The following TIRAP variants were observed in gnomAD, a reference collection of about 807,000 sequenced individuals.
TIRAP encodes TIR domain containing adaptor protein, also known as toll/interleukin-1 receptor domain-containing adapter protein.
A neutral mutation model predicts 19.8 loss-of-function variants in TIRAP; 20 were observed. The ratio of observed to expected loss-of-function variants is 1.01; its 90% CI spans 0.71 to 1.47. TIRAP has a LOEUF of 1.47. TIRAP is among the 40% of genes most tolerant of loss of function. The pLI is 0.00. For missense variants in TIRAP, 276 were observed against 285.1 expected, an observed-to-expected ratio of 0.97 and a Z score of 0.23; for synonymous variants, 125 against 121.7, an observed-to-expected ratio of 1.03 and a Z score of -0.18.
rs1023142638 is a variant in TIRAP at position 126,283,128 on chromosome 11, C to T, written c.-242C>T. 2 of 985,048 alleles carry T rather than the reference C, an allele frequency of 2.0e-6. No individual in the cohort carries two copies. The highest frequency in any genetic ancestry group is 6.2e-5 in the Admixed American group (1 of 16,220). 61.0% of individuals were successfully genotyped at this position (985,048 alleles called of 1,614,324 possible). On this transcript the variant is annotated 5_prime_UTR_variant, in exon 1 of 5. Coordinates refer to ENST00000392679, the MANE Select transcript of TIRAP (RefSeq NM_001318777.2). ...CGGAGCCCGCGCAGTCCGCGCAGCCCTCATCGCAACTGGGCCCGCGCGCAG... is the reference window on the plus strand; with the variant it reads ...CGGAGCCCGCGCAGTCCGCGCAGCCTTCATCGCAACTGGGCCCGCGCGCAG...
intron 1 of TIRAP, among the ~76,000 whole-genome samples, chr11:126,286,434 C>T (rs1951323664): frequency 1.3e-5 from 2 of 152,286 alleles, no homozygotes; most frequent in East Asian, 1.9e-4. Flanking sequence ...TAGGTCTGCA[C>T]CATAGTCTAC....
At chr11:126,284,682 C>T (rs8177396) in intron 1 of TIRAP, among the ~76,000 whole-genome samples, 7,431 of 151,822 alleles carry the variant, frequency 0.049, 346 homozygotes, top group East Asian at 0.17. Flanking sequence ...GGTGAAACCC[C>T]GTCTCTACTA....
rs1951336251 is a variant in TIRAP at position 126,287,561 on chromosome 11, C to A, written c.-216-2901C>A. Among the ~76,000 whole-genome samples, 1 of 151,854 alleles carries A rather than the reference C, an allele frequency of 6.6e-6. No individual in the cohort carries two copies. The highest frequency in any genetic ancestry group is 2.1e-4 in the South Asian group (1 of 4,810). ...ATCTCAAATTCCTGACCTCATGATC[C>A]GCCCACCTCGGCCTCCCAAAGTGCT... is the stretch of plus-strand genomic sequence containing the variant. On this transcript the variant is annotated intron_variant, in intron 1 of 4. Transcript: ENST00000392679. This position sits in a 1 kb window ranked among gnomAD's most constrained non-coding sequence, Gnocchi z 4.2.
chr11:126,285,914 G>A (rs1951316867), intron 1 of TIRAP, among the ~76,000 whole-genome samples: 1 of 151,782 alleles, frequency 6.6e-6, no homozygotes, highest in African/African-American at 2.4e-5. Context: ...AATTAGGTAG[G>A]TGTGGTGGCT....
At chr11:126,283,956 A>G (rs936080278) in intron 1 of TIRAP, among the ~76,000 whole-genome samples, 13 of 151,740 alleles carry the variant, frequency 8.6e-5, no homozygotes, top group African/African-American at 3.1e-4. Flanking sequence ...ACATGACTAC[A>G]TCCCTGGCTT....
rs775465999 is a variant in TIRAP, at chr11:126,293,150, C to A, written c.646+95C>A. ...GAGACAGCCCTGTAGCCTAGTAGTT[C>A]AAAGCGCAGCTTCTGGAAAAGGCTG... is the stretch of plus-strand genomic sequence containing the variant. On this transcript the variant is annotated intron_variant, in intron 4 of 4. Coordinates refer to ENST00000392679, the MANE Select transcript of TIRAP (RefSeq NM_001318777.2). The A allele has an allele frequency of 6.9e-6, 11 of 1,585,816 alleles. No individual in the cohort carries two copies. In the South Asian group the frequency reaches 1.2e-4, roughly 18 times the overall value.
chr11:126,292,811 C>G lies in TIRAP; in HGVS notation c.402C>G (p.Cys134Trp), dbSNP rs771728710. The change falls in exon 4 of 5, where the codon TGC becomes TGG. Residue 134 changes from cysteine to tryptophan, a missense_variant. Transcript: ENST00000392679. ...TPGGAIVSEL[C>W]QALSSSHCRV... Reference sequence around the variant, plus strand: ...GCGGCGCTATAGTGTCCGAGCTGTGCCAGGCACTGAGCAGTAGTCACTGCC... The same window carrying G: ...GCGGCGCTATAGTGTCCGAGCTGTGGCAGGCACTGAGCAGTAGTCACTGCC... 1.2e-6 allele frequency: 2 copies of G among 1,612,994 alleles called. No individual in the cohort carries two copies. Among genetic ancestry groups the G allele is most frequent in the Non-Finnish European group, 1.7e-6 (2 of 1,179,820 alleles).
Position 126,291,148 on chromosome 11 carries a change from C to T in TIRAP, c.67+187C>T. The T allele has an allele frequency of 1.4e-6, 1 of 734,550 alleles. No homozygotes were observed. The highest frequency in any genetic ancestry group is 1.9e-5 in the South Asian group (1 of 52,296). The allele number at this position is 734,550 out of a possible 1,614,324, so 45.5% of individuals were successfully genotyped here. Reference sequence around the variant, plus strand: ...AGTGAGGAGGGGAGGCCTGCGTCAGCTCAGCCAGATCTTTATCCTTTTGGC... The same window carrying T: ...AGTGAGGAGGGGAGGCCTGCGTCAGTTCAGCCAGATCTTTATCCTTTTGGC... On this transcript the variant is annotated intron_variant, in intron 3 of 4. Coordinates refer to ENST00000392679, the MANE Select transcript of TIRAP (RefSeq NM_001318777.2). The surrounding 1 kb of genome is among the most constrained non-coding windows in gnomAD (Gnocchi z 5.6).
chr11:126,293,340 T>C, intron 4 of TIRAP: 1 of 714,546 alleles, frequency 1.4e-6, no homozygotes, highest in Non-Finnish European at 2.5e-6. Flanking sequence ...GCCTAGCACA[T>C]GTATTCATAA....
rs1405517930 is a variant in TIRAP at position 126,287,635 on chromosome 11, C to T, written c.-216-2827C>T. Among the ~76,000 whole-genome samples the T allele has an allele frequency of 6.6e-6, 1 of 151,496 alleles. No homozygotes were observed. Among genetic ancestry groups the T allele is most frequent in the Non-Finnish European group, 1.5e-5 (1 of 67,852 alleles). On this transcript the variant is annotated intron_variant, in intron 1 of 4. Coordinates refer to ENST00000392679, the MANE Select transcript of TIRAP (RefSeq NM_001318777.2). The surrounding 1 kb of genome is among the most constrained non-coding windows in gnomAD (Gnocchi z 4.2). ...TGCCCAGCCCACTTTGGATTTTATA[C>T]AGCAAAACTCCATAATGTTTCCTTT...
intron 1 of TIRAP, among the ~76,000 whole-genome samples, chr11:126,283,604 CCA>C (rs1414152429): frequency 6.6e-6 from 1 of 152,226 alleles, no homozygotes; most frequent in Non-Finnish European, 1.5e-5. Context: ...AGGCATTACA[CCA>C]CAGTCATGGG....
In TIRAP at chr11:126,288,006, G is replaced by A. The variant is rs372040321; in HGVS notation, c.-216-2456G>A. Reference sequence around the variant, plus strand: ...TGAGCTCACATGATCTGCCCACCTCGGCCTCCCAAAGTGCTGGGATTACAG... The same window carrying A: ...TGAGCTCACATGATCTGCCCACCTCAGCCTCCCAAAGTGCTGGGATTACAG... On this transcript the variant is annotated intron_variant, in intron 1 of 4. Coordinates refer to ENST00000392679, the MANE Select transcript of TIRAP (RefSeq NM_001318777.2). This position sits in a 1 kb window ranked among gnomAD's most constrained non-coding sequence, Gnocchi z 5.0. 1.3e-5 allele frequency among the ~76,000 whole-genome samples: 2 copies of A among 152,048 alleles called. No individual in the cohort carries two copies. The highest frequency in any genetic ancestry group is 1.9e-4 in the East Asian group (1 of 5,168).
Position 126,287,668 on chromosome 11 carries a change from T to C in TIRAP, c.-216-2794T>C, listed in dbSNP as rs1951337358. ...CTCCATAATGTTTCCTTTACATCAG[T>C]TTCTGCACATAATATTGGAAAAGCA... is the stretch of plus-strand genomic sequence containing the variant. On this transcript the variant is annotated intron_variant, in intron 1 of 4. Coordinates refer to ENST00000392679, the MANE Select transcript of TIRAP (RefSeq NM_001318777.2). The surrounding 1 kb of genome is among the most constrained non-coding windows in gnomAD (Gnocchi z 4.2). Among the ~76,000 whole-genome samples the C allele has an allele frequency of 1.3e-5, 2 of 152,076 alleles. No homozygotes were observed. Among genetic ancestry groups the C allele is most frequent in the Admixed American group, 1.3e-4 (2 of 15,262 alleles).
At position 126,287,905 on chromosome 11, in the gene TIRAP, C is replaced by T. The variant is rs956394455; in HGVS notation, c.-216-2557C>T. ...AGTAGCTAGGATTACAGGTGTGCGA[C>T]ACCATGCCTGGCTAATTTTTGTATT... On this transcript the variant is annotated intron_variant, in intron 1 of 4. Coordinates refer to ENST00000392679, the MANE Select transcript of TIRAP (RefSeq NM_001318777.2). This position sits in a 1 kb window ranked among gnomAD's most constrained non-coding sequence, Gnocchi z 4.2. Among the ~76,000 whole-genome samples the T allele has an allele frequency of 2.0e-5, 3 of 152,136 alleles. No individual in the cohort carries two copies. Among genetic ancestry groups the T allele is most frequent in the Non-Finnish European group, 4.4e-5 (3 of 68,034 alleles).
chr11:126,284,033 C>CTTT lies in TIRAP; in HGVS notation c.-217+898_-217+900dup, dbSNP rs749115228. 3.0e-3 allele frequency among the ~76,000 whole-genome samples: 337 copies of CTTT among 113,118 alleles called. 13 individuals are homozygous for CTTT. Among genetic ancestry groups the CTTT allele is most frequent in the East Asian group, 9.8e-3 (36 of 3,674 alleles). The allele number at this position is 113,118 out of a possible 152,430, so 74.2% of individuals were successfully genotyped here. On this transcript the variant is annotated intron_variant, in intron 1 of 4. Coordinates refer to ENST00000392679, the MANE Select transcript of TIRAP (RefSeq NM_001318777.2). The stretch of plus-strand genomic sequence containing the variant: ...CCATGGAATCATATATCATGTACTT[C>CTTT]TTTTTTTTTTTTTTTTTTTTGAGAT...
At chr11:126,292,301 C>CA (rs33948579) in intron 3 of TIRAP, among the ~76,000 whole-genome samples, 176 bp from the exon 4 acceptor site, 4,202 of 118,090 alleles carry the variant, frequency 0.036, 246 homozygotes, top group African/African-American at 0.11. Flanking sequence ...GACTCTGCCT[C>CA]AAAAAAAAAA....
At chr11:126,293,493 C>A in intron 4 of TIRAP, 175 bp from the exon 5 acceptor site, 1 of 837,908 alleles carries the variant, frequency 1.2e-6, no homozygotes, top group Non-Finnish European at 2.0e-6. Flanking sequence ...TTTAGTAAGG[C>A]AAAATGATGC....
intron 1 of TIRAP, among the ~76,000 whole-genome samples, chr11:126,285,120 G>C (rs902545624): frequency 7.9e-5 from 12 of 151,572 alleles, no homozygotes; most frequent in African/African-American, 2.9e-4. Flanking sequence ...TTGCTCATTT[G>C]AATATTCCTT....
At chr11:126,286,150 A>G (rs1951320528) in intron 1 of TIRAP, among the ~76,000 whole-genome samples, 1 of 151,068 alleles carries the variant, frequency 6.6e-6, no homozygotes, top group South Asian at 2.1e-4. Flanking sequence ...CAATCACTTG[A>G]GGTCATGAGT....
Sources: allele counts gnomAD v4.1 joint callset (sites outside exome capture counted in the v4.1 genomes callset), GRCh38; gene constraint gnomAD v4.1.1; non-coding constraint Gnocchi (gnomAD v3.1); transcripts MANE v1.5; gene names NCBI Gene and HGNC (gene_info 2026-07-23, HGNC 2026-07-21).